The following WRN variants were observed in gnomAD, a reference collection of about 807,000 sequenced individuals.
WRN encodes the protein WRN RecQ like helicase.
In WRN, 149 loss-of-function variants were observed where a neutral mutation model predicts 180.7. The observed-to-expected ratio is 0.82, with a 90% CI of 0.72 to 0.94. The LOEUF is 0.94. Among genes scored for constraint, WRN ranks in the 40% least tolerant of loss-of-function variants. WRN has a pLI of 0.00. For missense variants in WRN, 1,661 were observed against 1,700.1 expected, an observed-to-expected ratio of 0.98 and a Z score of 0.40; for synonymous variants, 548 against 568.9, an observed-to-expected ratio of 0.96 and a Z score of 0.52.
rs1585489649 is a variant in WRN, at chr8:31,124,574, A to T, written c.2683A>T (p.Met895Leu). The change falls in exon 22 of 35, where the codon ATG (methionine) becomes TTG (leucine). Residue 895 changes from methionine (M) to leucine (L), a missense_variant. Around this residue, in one of 3 missense-constraint regions of WRN, gnomAD observed 1,141 missense variants for 1,149.4 expected, o/e 0.99. Transcript: ENST00000298139. Reference protein sequence around the residue: ...NEKFRLYKLKMMAKMEKYLHS... With the variant: ...NEKFRLYKLKLMAKMEKYLHS... Reference sequence around the variant, plus strand: ...GAAGTTTCGATTATACAAATTAAAGATGATGGCAAAGATGGAAAAATATCT... The same window carrying T: ...GAAGTTTCGATTATACAAATTAAAGTTGATGGCAAAGATGGAAAAATATCT... 6.2e-7 allele frequency: 1 copy of T among 1,612,946 alleles called. No homozygotes were observed. The highest frequency in any genetic ancestry group is 1.1e-5 in the South Asian group (1 of 91,024).
intron 11 of WRN, among the ~76,000 whole-genome samples, chr8:31,086,744 T>C (rs1813547356): frequency 6.6e-6 from 1 of 152,198 alleles, no homozygotes; most frequent in South Asian, 2.1e-4. Flanking sequence ...AAGAGCTTAG[T>C]ATAGAGCCTG....
chr8:31,054,338 G>A (rs1417708713), intron 1 of WRN, among the ~76,000 whole-genome samples: 3 of 152,140 alleles, frequency 2.0e-5, no homozygotes, highest in African/African-American at 7.2e-5. Context: ...ATTAATTTTC[G>A]TTTCCATACT....
chr8:31,099,216 G>A (rs553580009), intron 17 of WRN, among the ~76,000 whole-genome samples: 1 of 152,142 alleles, frequency 6.6e-6, no homozygotes, highest in South Asian at 2.1e-4. Context: ...GGCGAACATG[G>A]TGAAACCCTG....
At position 31,175,233 on chromosome 8, in the gene WRN, G is replaced by A. The variant is rs1404599684; in HGVS notation, c.*2131G>A. 1.3e-5 allele frequency among the ~76,000 whole-genome samples: 2 copies of A among 151,964 alleles called. No homozygotes were observed. The highest frequency in any genetic ancestry group is 1.5e-5 in the Non-Finnish European group (1 of 67,986). ...GGGCGGATCACGAGATCAGGAGATC[G>A]AGACCACCCTGGCCAACATGGTGAA... On this transcript the variant is annotated 3_prime_UTR_variant, in exon 35 of 35. Transcript: ENST00000298139.
At position 31,139,769 on chromosome 8, in the gene WRN, G is replaced by A. The variant is rs531560180; in HGVS notation, c.2968-1661G>A. ...ATGCATGCTAGCAGAAACAGCAGAG[G>A]AGTAGCCTTAGCCTCACTTCCTGCT... On this transcript the variant is annotated intron_variant, in intron 24 of 34. Coordinates refer to ENST00000298139, the MANE Select transcript of WRN (RefSeq NM_000553.6). Among the ~76,000 whole-genome samples, 3 of 146,486 alleles carry A rather than the reference G, an allele frequency of 2.0e-5. No individual in the cohort carries two copies. The East Asian group carries it at 5.8e-4, about 28-fold the overall frequency.
chr8:31,096,922 C>A, intron 17 of WRN, 72 bp downstream of exon 17: 1 of 1,324,354 alleles, frequency 7.6e-7, no homozygotes, highest in Non-Finnish European at 1.1e-6. Flanking sequence ...TGGATGGACA[C>A]TGGATTTCAC....
At chr8:31,043,443 C>G (rs1811731147) in intron 1 of WRN, among the ~76,000 whole-genome samples, 1 of 152,130 alleles carries the variant, frequency 6.6e-6, no homozygotes, top group African/African-American at 2.4e-5. Context: ...CAGTTCCATC[C>G]ATAAAACTTT....
rs4987238 is a variant in WRN, at chr8:31,081,176, G to T, written c.1149G>T (p.Leu383Phe). 2.0e-3 allele frequency: 3,293 copies of T among 1,614,040 alleles called. 20 individuals are homozygous for T. The Middle Eastern group carries it at 0.027, about 13-fold the overall frequency. ...GFEDGVEDNK[L>F]KENMERACLM... is the part of the protein sequence containing the mutation. Reference sequence around the variant, plus strand: ...AAGATGGAGTAGAAGACAACAAATTGAAAGAGAATATGGAAAGAGCTTGTT... The same window carrying T: ...AAGATGGAGTAGAAGACAACAAATTTAAAGAGAATATGGAAAGAGCTTGTT... Residue 383 changes from leucine (L) to phenylalanine (F), a missense_variant, in exon 9 of 35, where the codon TTG becomes TTT. Coordinates refer to ENST00000298139, the MANE Select transcript of WRN (RefSeq NM_000553.6).
At chr8:31,158,890 A>G (rs1803494943) in intron 33 of WRN, among the ~76,000 whole-genome samples, 2 of 152,122 alleles carry the variant, frequency 1.3e-5, no homozygotes, top group Admixed American at 6.6e-5. Flanking sequence ...GACTTCAGGT[A>G]TAGTAAATAA....
intron 4 of WRN, 152 bp from the exon 5 acceptor site, chr8:31,064,763 C>A: frequency 1.0e-6 from 1 of 986,214 alleles, no homozygotes; most frequent in Non-Finnish European, 1.5e-6. Context: ...GGACTGTTTG[C>A]TTTAGTTAAG....
At chr8:31,053,481 G>T (rs962189505) in intron 1 of WRN, among the ~76,000 whole-genome samples, 4 of 152,158 alleles carry the variant, frequency 2.6e-5, no homozygotes, top group Non-Finnish European at 5.9e-5. Context: ...AAGAAATGCG[G>T]TGAGCTATTT....
intron 33 of WRN, among the ~76,000 whole-genome samples, chr8:31,162,611 G>C (rs984224628): frequency 6.6e-6 from 1 of 152,158 alleles, no homozygotes; most frequent in Non-Finnish European, 1.5e-5. Flanking sequence ...AATTGTACAT[G>C]CTAGACTTTT....
At chr8:31,111,241 A>G (rs891372994) in intron 18 of WRN, among the ~76,000 whole-genome samples, 7 of 152,146 alleles carry the variant, frequency 4.6e-5, no homozygotes, top group Admixed American at 4.6e-4. Flanking sequence ...ACATTAATCA[A>G]ATATAAGGCA....
At chr8:31,144,730 G>A (rs1004373324) in intron 28 of WRN, among the ~76,000 whole-genome samples, 1 of 152,178 alleles carries the variant, frequency 6.6e-6, no homozygotes, top group East Asian at 1.9e-4. Flanking sequence ...AAGCCATGTC[G>A]AAAGCTGAGA....
At position 31,096,999 on chromosome 8, in the gene WRN, C is replaced by G. The variant is rs1034688196; in HGVS notation, c.1981+149C>G. On this transcript the variant is annotated intron_variant, in intron 17 of 34. Transcript: ENST00000298139. ...TCTCTGACTCTCTAACTTGCTGTTT[C>G]ACCTATCTTATCCCATGATACTCTA... 23 of 765,436 alleles carry G rather than the reference C, an allele frequency of 3.0e-5. No individual in the cohort carries two copies. In the African/African-American group the frequency reaches 4.0e-4, roughly 13 times the overall value. The allele number at this position is 765,436 out of a possible 1,614,324, so 47.4% of individuals were successfully genotyped here. A position where few individuals can be genotyped will look rare whatever the true frequency, so the allele number is the denominator to read the frequency against.
In WRN at chr8:31,090,522, C is replaced by G. The variant is rs370664707; in HGVS notation, c.1710C>G (p.Val570=). 1 of 1,611,992 alleles carries G rather than the reference C, an allele frequency of 6.2e-7. No homozygotes were observed. The highest frequency in any genetic ancestry group is 8.5e-7 in the Non-Finnish European group (1 of 1,178,636). Residue 570 remains valine (V), a synonymous_variant, in exon 14 of 35, where the codon GTC becomes GTG. Coordinates refer to ENST00000298139, the MANE Select transcript of WRN (RefSeq NM_000553.6). ...AAGAAAGAAGAGATAATGTTGCTGT[C>G]ATGGCAACTGGTAAGTTGTACTTAA... ...VLEERRDNVA[V]MATGYGKSLC...
intron 1 of WRN, among the ~76,000 whole-genome samples, chr8:31,044,788 G>T (rs1585387375): frequency 6.6e-6 from 1 of 152,156 alleles, no homozygotes; most frequent in African/African-American, 2.4e-5. Flanking sequence ...AGCTTAGTAT[G>T]CCATATTTTG....
chr8:31,069,016 G>C (rs1250109071), intron 7 of WRN, among the ~76,000 whole-genome samples: 1 of 152,192 alleles, frequency 6.6e-6, no homozygotes, highest in Non-Finnish European at 1.5e-5. Flanking sequence ...ATGGAATGTA[G>C]ATACTAGCAT....
intron 33 of WRN, among the ~76,000 whole-genome samples, chr8:31,158,404 C>CTT (rs11331524): frequency 1.3e-4 from 19 of 148,722 alleles, no homozygotes; most frequent in African/African-American, 4.5e-4. Flanking sequence ...AATTATTATC[C>CTT]TTTTTTTTTT....
Sources: allele counts gnomAD v4.1 joint callset (sites outside exome capture counted in the v4.1 genomes callset), GRCh38; gene constraint gnomAD v4.1.1; regional missense constraint gnomAD v4.1.1; transcripts MANE v1.5; gene names NCBI Gene and HGNC (gene_info 2026-07-23, HGNC 2026-07-21).